Variants in PPFIA2 observed in about 807,000 individuals in gnomAD.
PPFIA2 encodes the protein PPFI scaffold protein A2.
Under a neutral mutation model 175.5 loss-of-function variants are expected in PPFIA2, and 46 were observed. The observed-to-expected ratio is 0.26, with a 90% CI of 0.21 to 0.34. The LOEUF is 0.34. Among genes scored for constraint, PPFIA2 ranks in the 10% least tolerant of loss-of-function variants. The pLI is 1.00. For missense variants in PPFIA2, 1,179 were observed against 1,506.1 expected (o/e 0.78, Z 3.60); for synonymous variants, 568 against 511.4 (o/e 1.11, Z -1.49).
At chr12:81,533,522 T>C (rs561419035) in intron 4 of PPFIA2, among the ~76,000 whole-genome samples, 3 of 151,692 alleles carry the variant, frequency 2.0e-5, no homozygotes, top group African/African-American at 7.2e-5. Flanking sequence ...AACTTGAAAT[T>C]TTCCACCTTT....
chr12:81,738,005 A>G lies in PPFIA2; in HGVS notation c.249+15968T>C, dbSNP rs531826730. On this transcript the variant is annotated intron_variant, in intron 3 of 32. Coordinates refer to ENST00000549396, the MANE Select transcript of PPFIA2 (RefSeq NM_003625.5). Reference sequence around the variant, plus strand: ...TAAATGGCAGTAAGTCACAATGTTAATCTCTATGGACACTAAGAAGAAAAA... The same window carrying G: ...TAAATGGCAGTAAGTCACAATGTTAGTCTCTATGGACACTAAGAAGAAAAA... Among the ~76,000 whole-genome samples the G allele has an allele frequency of 1.1e-4, 16 of 152,002 alleles. No individual in the cohort carries two copies. The Middle Eastern group carries it at 0.01, about 97-fold the overall frequency.
intron 22 of PPFIA2, among the ~76,000 whole-genome samples, chr12:81,302,461 T>C (rs1439966814): frequency 6.6e-6 from 1 of 152,196 alleles, no homozygotes; most frequent in Non-Finnish European, 1.5e-5. Flanking sequence ...TTCTTGGTTT[T>C]TGTTTTGTTT....
intron 8 of PPFIA2, among the ~76,000 whole-genome samples, chr12:81,384,790 A>G (rs976664933): frequency 1.3e-5 from 2 of 152,156 alleles, no homozygotes; most frequent in African/African-American, 4.8e-5. Context: ...ACAAACATAT[A>G]GTATAGAAAA....
At chr12:81,694,170 G>A (rs1278132143) in intron 3 of PPFIA2, among the ~76,000 whole-genome samples, 1 of 152,172 alleles carries the variant, frequency 6.6e-6, no homozygotes, top group Admixed American at 6.5e-5. Flanking sequence ...CAAGGAGGCT[G>A]AAGAGCAACC....
rs186387436 is a variant in PPFIA2, at chr12:81,352,602, C to T, written c.1994+517G>A. On this transcript the variant is annotated intron_variant, in intron 17 of 32. Coordinates refer to ENST00000549396, the MANE Select transcript of PPFIA2 (RefSeq NM_003625.5). Reference sequence around the variant, plus strand: ...AATGTTAATAAACTTCCAAGAAACACGCTGTCCCTGATATAAATGGCATAA... The same window carrying T: ...AATGTTAATAAACTTCCAAGAAACATGCTGTCCCTGATATAAATGGCATAA... 2.1e-3 allele frequency among the ~76,000 whole-genome samples: 323 copies of T among 151,890 alleles called. 1 individual carries two copies. The highest frequency in any genetic ancestry group is 6.9e-3 in the African/African-American group (287 of 41,460).
At chr12:81,413,429 G>A (rs761838898) in intron 7 of PPFIA2, among the ~76,000 whole-genome samples, 19 of 151,846 alleles carry the variant, frequency 1.3e-4, no homozygotes, top group Non-Finnish European at 2.4e-4. Flanking sequence ...AGGATTCTGG[G>A]TAGAGCTCAC....
chr12:81,553,255 A>G (rs191678121), intron 4 of PPFIA2, among the ~76,000 whole-genome samples: 284 of 151,872 alleles, frequency 1.9e-3, no homozygotes, highest in Non-Finnish European at 3.1e-3. Context: ...TAAAAATAGG[A>G]AAAAAAACCA....
At chr12:81,547,575 A>C (rs1364658896) in intron 4 of PPFIA2, among the ~76,000 whole-genome samples, 5 of 152,084 alleles carry the variant, frequency 3.3e-5, no homozygotes, top group Non-Finnish European at 5.9e-5. Flanking sequence ...GGGTTTCTCC[A>C]TGTTGGCCAG....
At chr12:81,455,158 A>G (rs2053365262) in intron 5 of PPFIA2, among the ~76,000 whole-genome samples, 1 of 152,238 alleles carries the variant, frequency 6.6e-6, no homozygotes, top group Non-Finnish European at 1.5e-5. Context: ...ATCTAGAAAG[A>G]GAAACAACTA....
At chr12:81,744,046 T>G (rs2082701824) in intron 3 of PPFIA2, among the ~76,000 whole-genome samples, 1 of 152,222 alleles carries the variant, frequency 6.6e-6, no homozygotes, top group Non-Finnish European at 1.5e-5. Flanking sequence ...AATTCTTTTG[T>G]ATGTAAGACA....
chr12:81,511,424 C>A (rs1411723395), intron 4 of PPFIA2, among the ~76,000 whole-genome samples: 1 of 151,686 alleles, frequency 6.6e-6, no homozygotes, highest in Non-Finnish European at 1.5e-5. Context: ...ACAATAATAT[C>A]CATAGGTAAA....
intron 4 of PPFIA2, among the ~76,000 whole-genome samples, chr12:81,635,689 T>C (rs564421206): frequency 6.6e-6 from 1 of 152,318 alleles, no homozygotes; most frequent in East Asian, 1.9e-4. Flanking sequence ...ACCTGACATG[T>C]CCATGCGGCC....
chr12:81,304,553 G>A (rs143600060), intron 22 of PPFIA2, among the ~76,000 whole-genome samples: 1,558 of 152,286 alleles, frequency 0.01, 20 homozygotes, highest in Non-Finnish European at 0.014. Flanking sequence ...TGTCTATAAC[G>A]AGGCAACATT....
intron 9 of PPFIA2, among the ~76,000 whole-genome samples, chr12:81,376,367 T>C (rs1229946165): frequency 6.6e-6 from 1 of 152,094 alleles, no homozygotes; most frequent in Non-Finnish European, 1.5e-5. Context: ...ACCATCCGTA[T>C]TCTTACCTTT....
intron 4 of PPFIA2, among the ~76,000 whole-genome samples, chr12:81,654,035 G>A (rs1476090138): frequency 1.3e-5 from 2 of 151,674 alleles, no homozygotes; most frequent in Non-Finnish European, 2.9e-5. Context: ...TAATTTAACT[G>A]TCATGGCATA....
chr12:81,493,743 T>C (rs1482614756), intron 4 of PPFIA2, among the ~76,000 whole-genome samples: 1 of 133,358 alleles, frequency 7.5e-6, no homozygotes, highest in Non-Finnish European at 1.6e-5. Flanking sequence ...TGTGTGTGTG[T>C]GTGTGTGTGT....
Position 81,462,585 on chromosome 12 carries a change from C to CATATATATATATATATATATATACAT in PPFIA2, c.304-4720_304-4719insATGTATATATATATATATATATATAT, listed in dbSNP as rs71098145. On this transcript the variant is annotated intron_variant, in intron 4 of 32. Coordinates refer to ENST00000549396, the MANE Select transcript of PPFIA2 (RefSeq NM_003625.5). ...ATATATATGTGTATATATATATATA[C>CATATATATATATATATATATATACAT]ATATATATATATATATATATATAAT... Among the ~76,000 whole-genome samples the CATATATATATATATATATATATACAT allele has an allele frequency of 8.9e-3, 1,105 of 124,594 alleles. 11 individuals carry two copies. The highest frequency in any genetic ancestry group is 0.028 in the East Asian group (121 of 4,396). The allele number at this position is 124,594 out of a possible 152,430, so 81.7% of individuals were successfully genotyped here. A position where few individuals can be genotyped will look rare whatever the true frequency, so the allele number is the denominator to read the frequency against.
intron 4 of PPFIA2, among the ~76,000 whole-genome samples, chr12:81,463,712 G>T (rs761068120): frequency 1.3e-5 from 2 of 151,966 alleles, no homozygotes; most frequent in Non-Finnish European, 2.9e-5. Context: ...TAAAGTCCCT[G>T]CTCTTGATAT....
At chr12:81,723,457 T>G (rs1446696977) in intron 3 of PPFIA2, among the ~76,000 whole-genome samples, 1 of 150,992 alleles carries the variant, frequency 6.6e-6, no homozygotes, top group Non-Finnish European at 1.5e-5. Flanking sequence ...ATGAAAACAA[T>G]GACCAAATAT....
Sources: allele counts gnomAD v4.1 joint callset (sites outside exome capture counted in the v4.1 genomes callset), GRCh38; gene constraint gnomAD v4.1.1; transcripts MANE v1.5; gene names NCBI Gene and HGNC (gene_info 2026-07-23, HGNC 2026-07-21).